PELI2: variants seen among roughly 807,000 people sequenced by gnomAD.
PELI2 encodes pellino E3 ubiquitin protein ligase family member 2, also known as E3 ubiquitin-protein ligase pellino homolog 2.
Under a neutral mutation model 42.3 loss-of-function variants are expected in PELI2, and 23 were observed. The ratio of observed to expected loss-of-function variants is 0.54; its 90% CI spans 0.39 to 0.77. PELI2 has a LOEUF of 0.77. Ranked by LOEUF, PELI2 falls within the 30% of genes least tolerant of loss-of-function variation. PELI2 has a pLI of 0.00. For synonymous variants in PELI2, 245 were observed against 212.2 expected (o/e 1.15, Z -1.34); for missense variants, 463 against 553.2 (o/e 0.84, Z 1.64).
intron 2 of PELI2, among the ~76,000 whole-genome samples, chr14:56,213,114 A>T (rs1043794362): frequency 6.6e-6 from 1 of 152,166 alleles, no homozygotes; most frequent in Non-Finnish European, 1.5e-5. Context: ...TATTCCTAAA[A>T]CTAGAAAGTG....
rs1889172794 is a variant in PELI2, at chr14:56,273,387, G to T, written c.208-6289G>T. Among the ~76,000 whole-genome samples, 1 of 152,164 alleles carries T rather than the reference G, an allele frequency of 6.6e-6. No individual in the cohort carries two copies. The highest frequency in any genetic ancestry group is 6.5e-5 in the Admixed American group (1 of 15,276). Reference sequence around the variant, plus strand: ...GTGTCACATCCACGGCATTCTCTTGGTCATTGAGCAAGCTACTGAAGCCAG... The same window carrying T: ...GTGTCACATCCACGGCATTCTCTTGTTCATTGAGCAAGCTACTGAAGCCAG... On this transcript the variant is annotated intron_variant, in intron 2 of 5. Coordinates refer to ENST00000267460, the MANE Select transcript of PELI2 (RefSeq NM_021255.3). This position sits in a 1 kb window ranked among gnomAD's most constrained non-coding sequence, Gnocchi z 4.3.
At position 56,301,038 on chromosome 14, in the gene PELI2, TAAACTC is replaced by T. The variant is rs1890156666; in HGVS notation, c.*3875_*3880del. On this transcript the variant is annotated 3_prime_UTR_variant, in exon 6 of 6. Coordinates refer to ENST00000267460, the MANE Select transcript of PELI2 (RefSeq NM_021255.3). Reference sequence around the variant, plus strand: ...TTGACAGTTTCTAAACAAACAAAAATAAACTCAATGAAAGGAAAGATGTTTCTTTTT... The same window carrying T: ...TTGACAGTTTCTAAACAAACAAAAATAATGAAAGGAAAGATGTTTCTTTTT... 1 of 152,288 alleles carries T rather than the reference TAAACTC, an allele frequency of 6.6e-6. No homozygotes were observed. Among genetic ancestry groups the T allele is most frequent in the African/African-American group, 2.4e-5 (1 of 41,442 alleles). 9.4% of individuals were successfully genotyped at this position (152,288 alleles called of 1,614,324 possible). A position where few individuals can be genotyped will look rare whatever the true frequency, so the allele number is the denominator to read the frequency against.
chr14:56,288,476 A>G lies in PELI2; in HGVS notation c.349A>G (p.Thr117Ala). ...STESPIDFVV[T>A]DTISGSQNTD... ...AGAAAGCCCTATCGACTTCGTTGTC[A>G]CAGACACGATTTCTGGCAGCCAGAA... is the stretch of plus-strand genomic sequence containing the variant. Residue 117 changes from threonine to alanine, a missense_variant, in exon 4 of 6, where the codon ACA becomes GCA. Thr to Ala is a moderately conservative substitution (Grantham distance 58, BLOSUM62 0). Transcript: ENST00000267460. This position sits in a 1 kb window ranked among gnomAD's most constrained non-coding sequence, Gnocchi z 4.6. 1 of 1,614,104 alleles carries G rather than the reference A, an allele frequency of 6.2e-7. No homozygotes were observed. Among genetic ancestry groups the G allele is most frequent in the Non-Finnish European group, 8.5e-7 (1 of 1,179,990 alleles).
chr14:56,126,155 C>G (rs1161129148), intron 1 of PELI2, among the ~76,000 whole-genome samples: 3 of 152,172 alleles, frequency 2.0e-5, no homozygotes, highest in African/African-American at 7.2e-5. Context: ...AAAGTCCTGC[C>G]TTGAAGGGAA....
At chr14:56,233,867 G>T (rs1007629450) in intron 2 of PELI2, among the ~76,000 whole-genome samples, 4 of 152,124 alleles carry the variant, frequency 2.6e-5, no homozygotes, top group Non-Finnish European at 4.4e-5. Context: ...CTGACAAAGG[G>T]CTAATATCCA....
At chr14:56,158,378 G>T (rs1365870439) in intron 1 of PELI2, among the ~76,000 whole-genome samples, 5 of 152,082 alleles carry the variant, frequency 3.3e-5, no homozygotes, top group East Asian at 1.9e-4. Flanking sequence ...GTCTCACTGT[G>T]TCACCTAGGC....
chr14:56,279,830 T>C (rs1193060059), intron 3 of PELI2, 53 bp downstream of exon 3: 6 of 862,648 alleles, frequency 7.0e-6, no homozygotes, highest in Non-Finnish European at 1.2e-5. Flanking sequence ...TTTAATTCTC[T>C]ATTTTTTATA....
intron 5 of PELI2, among the ~76,000 whole-genome samples, chr14:56,291,560 G>A (rs546452867): frequency 1.3e-5 from 2 of 152,266 alleles, no homozygotes; most frequent in African/African-American, 4.8e-5. Flanking sequence ...ATGTTTTCAA[G>A]AAATTGTAAA....
At chr14:56,280,263 A>C (rs1889433939) in intron 3 of PELI2, among the ~76,000 whole-genome samples, 1 of 152,096 alleles carries the variant, frequency 6.6e-6, no homozygotes, top group Non-Finnish European at 1.5e-5. Flanking sequence ...TCAAGGGACT[A>C]AACATTTATC....
intron 2 of PELI2, among the ~76,000 whole-genome samples, chr14:56,237,202 G>A (rs1887829794): frequency 6.6e-6 from 1 of 152,086 alleles, no homozygotes; most frequent in Admixed American, 6.6e-5. Flanking sequence ...TTAGTTTTCA[G>A]TATGAGAATT....
At chr14:56,135,486 G>A (rs1883652780) in intron 1 of PELI2, among the ~76,000 whole-genome samples, 1 of 152,198 alleles carries the variant, frequency 6.6e-6, no homozygotes, top group African/African-American at 2.4e-5. Context: ...CTCAAGGATG[G>A]TAGCTCAGAG....
At chr14:56,220,974 C>G (rs987653717) in intron 2 of PELI2, among the ~76,000 whole-genome samples, 1 of 152,160 alleles carries the variant, frequency 6.6e-6, no homozygotes, top group African/African-American at 2.4e-5. Context: ...AGAGGAGGCA[C>G]ATAGCCCTCG....
At chr14:56,242,126 G>A (rs1594675592) in intron 2 of PELI2, among the ~76,000 whole-genome samples, 1 of 152,280 alleles carries the variant, frequency 6.6e-6, no homozygotes, top group East Asian at 1.9e-4. Flanking sequence ...CAACTGAGTG[G>A]CCACCTCATG....
chr14:56,137,363 A>G (rs1240489946), intron 1 of PELI2, among the ~76,000 whole-genome samples: 1 of 152,214 alleles, frequency 6.6e-6, no homozygotes, highest in African/African-American at 2.4e-5. Flanking sequence ...CCTCTGGATT[A>G]AAGTGGAGGA....
intron 1 of PELI2, among the ~76,000 whole-genome samples, chr14:56,154,492 C>G (rs1306333846): frequency 1.3e-5 from 2 of 152,198 alleles, no homozygotes; most frequent in Admixed American, 6.5e-5. Flanking sequence ...CCCCCATTCT[C>G]TCTCCTGCTG....
At chr14:56,165,148 A>G (rs960485101) in intron 1 of PELI2, among the ~76,000 whole-genome samples, 2 of 151,690 alleles carry the variant, frequency 1.3e-5, no homozygotes, top group African/African-American at 4.8e-5. Context: ...TTCTCTTTTG[A>G]TGTAGGCCAT....
At chr14:56,132,487 A>G (rs1667478996) in intron 1 of PELI2, among the ~76,000 whole-genome samples, 1 of 152,138 alleles carries the variant, frequency 6.6e-6, no homozygotes, top group African/African-American at 2.4e-5. Context: ...CGTGGGGTGG[A>G]TAGCTGTGTA....
intron 1 of PELI2, among the ~76,000 whole-genome samples, chr14:56,162,480 G>A (rs1213470679): frequency 2.0e-5 from 3 of 152,062 alleles, no homozygotes; most frequent in African/African-American, 2.4e-5. Flanking sequence ...ACTCCATTGC[G>A]TATATGTACA....
chr14:56,277,727 C>T (rs181550), intron 2 of PELI2, among the ~76,000 whole-genome samples: 10,018 of 151,964 alleles, frequency 0.066, 384 homozygotes, highest in African/African-American at 0.087. Context: ...ACAATGACTT[C>T]CCAGTGAATT....
Sources: gnomAD v4.1 joint callset for allele counts (sites outside exome capture counted in the v4.1 genomes callset) on GRCh38, gnomAD v4.1.1 for gene constraint, Gnocchi (gnomAD v3.1) non-coding constraint, MANE v1.5 for transcripts, NCBI Gene and HGNC (gene_info 2026-07-23, HGNC 2026-07-21) for gene names.